CDK14: variants seen among roughly 807,000 people sequenced by gnomAD.
The protein encoded by CDK14 is cyclin dependent kinase 14, also known as cyclin-dependent kinase 14.
CDK14 carries 34 observed loss-of-function variants against 60.7 expected under a neutral mutation model. That is an observed-to-expected ratio of 0.56 (90% CI 0.43 to 0.75). The LOEUF is 0.75. Ranked by LOEUF, CDK14 falls within the 30% of genes least tolerant of loss-of-function variation. The pLI is 0.00. For missense variants in CDK14, 482 were observed against 564.1 expected, an observed-to-expected ratio of 0.85 and a Z score of 1.47; for synonymous variants, 197 against 203.7, an observed-to-expected ratio of 0.97 and a Z score of 0.28.
rs112066860 is a variant in CDK14, at chr7:91,112,822, G to GGTGTGTGT, written c.1294+158_1294+165dup. ...AATGTATGTTTGTATGTGCATTACAGGTGTGTGTGTGTGTGTGTGTGTGTA... is the reference window on the plus strand; with the variant it reads ...AATGTATGTTTGTATGTGCATTACAGGTGTGTGTGTGTGTGTGTGTGTGTGTGTGTGTA... On this transcript the variant is annotated intron_variant, in intron 13 of 14. Coordinates refer to ENST00000380050, the MANE Select transcript of CDK14 (RefSeq NM_001287135.2). 3.4e-3 allele frequency: 2,371 copies of GGTGTGTGT among 688,476 alleles called. 43 individuals carry two copies. The African/African-American group carries it at 0.038, about 11-fold the overall frequency. The allele number at this position is 688,476 out of a possible 1,614,324, so 42.6% of individuals were successfully genotyped here.
rs537032322 is a variant in CDK14 at position 90,951,981 on chromosome 7, G to A, written c.827-3716G>A. Among the ~76,000 whole-genome samples the A allele has an allele frequency of 5.9e-5, 9 of 152,258 alleles. No individual in the cohort carries two copies. In the South Asian group the frequency reaches 1.9e-3, roughly 32 times the overall value. ...AATAAGGCCCAGTGACCTATAAAGT[G>A]TATATATTTGAGAAAGCACTGGTTT... On this transcript the variant is annotated intron_variant, in intron 8 of 14. Transcript: ENST00000380050.
chr7:90,958,612 GA>G, intron 9 of CDK14, among the ~76,000 whole-genome samples: 1 of 152,078 alleles, frequency 6.6e-6, no homozygotes, highest in South Asian at 2.1e-4. Context: ...TGTAATGGCA[GA>G]AAAAGTTGAA....
chr7:90,940,903 T>C, intron 8 of CDK14, among the ~76,000 whole-genome samples: 1 of 152,212 alleles, frequency 6.6e-6, no homozygotes, highest in Non-Finnish European at 1.5e-5. Flanking sequence ...TTGCCACTGG[T>C]CACTCTGAAA....
intron 5 of CDK14, among the ~76,000 whole-genome samples, chr7:90,804,038 T>C (rs1030298889): frequency 6.6e-6 from 1 of 152,234 alleles, no homozygotes; most frequent in Admixed American, 6.5e-5. Context: ...GTTCTTTCTT[T>C]GTATTCTATT....
chr7:90,971,980 T>G (rs764278978), intron 9 of CDK14, among the ~76,000 whole-genome samples: 2 of 152,200 alleles, frequency 1.3e-5, no homozygotes, highest in Non-Finnish European at 2.9e-5. Flanking sequence ...TCTACTGAAC[T>G]ACATTAGCTT....
intron 9 of CDK14, among the ~76,000 whole-genome samples, chr7:90,972,471 CT>C (rs1307134937): frequency 6.6e-6 from 1 of 152,104 alleles, no homozygotes; most frequent in African/African-American, 2.4e-5. Context: ...AGCTGACCTC[CT>C]AGGGAAGAAA....
At chr7:90,911,053 G>A (rs1227402296) in intron 7 of CDK14, among the ~76,000 whole-genome samples, 1 of 151,968 alleles carries the variant, frequency 6.6e-6, no homozygotes, top group Non-Finnish European at 1.5e-5. Context: ...TTCTTGCTAT[G>A]ATACTTTGCT....
At chr7:91,109,851 T>C (rs890124937) in intron 12 of CDK14, among the ~76,000 whole-genome samples, 7 of 152,012 alleles carry the variant, frequency 4.6e-5, no homozygotes, top group African/African-American at 1.4e-4. Flanking sequence ...GAAAGCTTTA[T>C]GAAAGATAAA....
chr7:90,985,134 AT>A (rs1370044775), intron 10 of CDK14, among the ~76,000 whole-genome samples: 1 of 152,230 alleles, frequency 6.6e-6, no homozygotes, highest in Non-Finnish European at 1.5e-5. Context: ...TCTCTGTATT[AT>A]GTTTTGTAAC....
intron 5 of CDK14, among the ~76,000 whole-genome samples, chr7:90,827,693 A>G (rs1789774085): frequency 6.6e-6 from 1 of 152,228 alleles, no homozygotes; most frequent in Non-Finnish European, 1.5e-5. Flanking sequence ...AGAATAATCT[A>G]GAGGAGTACC....
chr7:90,698,638 A>G lies in CDK14; in HGVS notation c.124-27929A>G, dbSNP rs139804276. Among the ~76,000 whole-genome samples the G allele has an allele frequency of 2.6e-5, 4 of 152,338 alleles. No homozygotes were observed. In the East Asian group the frequency reaches 5.8e-4, roughly 22 times the overall value. On this transcript the variant is annotated intron_variant, in intron 2 of 14. Coordinates refer to ENST00000380050, the MANE Select transcript of CDK14 (RefSeq NM_001287135.2). ...TCCTGCTTCCTGATTGGCATCAATTATCTTACAACACCCCCAATTTTTTTG... is the reference window on the plus strand; with the variant it reads ...TCCTGCTTCCTGATTGGCATCAATTGTCTTACAACACCCCCAATTTTTTTG...
chr7:91,001,465 G>T (rs751751006), intron 10 of CDK14, among the ~76,000 whole-genome samples: 8 of 152,172 alleles, frequency 5.3e-5, no homozygotes, highest in Non-Finnish European at 1.2e-4. Context: ...TTTTATCCAC[G>T]CTGTGTTGCA....
At chr7:91,168,094 T>C (rs750188831) in intron 14 of CDK14, among the ~76,000 whole-genome samples, 24 of 151,986 alleles carry the variant, frequency 1.6e-4, no homozygotes, top group Admixed American at 2.0e-4. Context: ...AAACCCCGTC[T>C]CTACTAAAAA....
chr7:90,940,727 A>C (rs1332546230), intron 8 of CDK14, among the ~76,000 whole-genome samples: 1 of 152,120 alleles, frequency 6.6e-6, no homozygotes, highest in African/African-American at 2.4e-5. Context: ...TTGAGGCTGC[A>C]GTGAGCTGTG....
intron 9 of CDK14, among the ~76,000 whole-genome samples, chr7:90,973,372 T>C (rs561964328): frequency 6.6e-6 from 1 of 152,154 alleles, no homozygotes; most frequent in Non-Finnish European, 1.5e-5. Flanking sequence ...CCCTCTGGAA[T>C]TGAAACTGTC....
At chr7:90,744,448 C>G in intron 3 of CDK14, among the ~76,000 whole-genome samples, 1 of 152,248 alleles carries the variant, frequency 6.6e-6, no homozygotes, top group East Asian at 1.9e-4. Context: ...ATTTCTCAAT[C>G]TTTTCCCCAC....
At chr7:90,905,375 C>G (rs2117374483) in intron 7 of CDK14, among the ~76,000 whole-genome samples, 1 of 152,034 alleles carries the variant, frequency 6.6e-6, no homozygotes, top group African/African-American at 2.4e-5. Context: ...AACTGACAAA[C>G]AAAAGAACTA....
At position 90,806,511 on chromosome 7, in the gene CDK14, A is replaced by G. The variant is rs539287016; in HGVS notation, c.544+15859A>G. Among the ~76,000 whole-genome samples the G allele has an allele frequency of 7.9e-5, 12 of 152,362 alleles. No homozygotes were observed. In the South Asian group the frequency reaches 2.5e-3, roughly 32 times the overall value. On this transcript the variant is annotated intron_variant, in intron 5 of 14. Coordinates refer to ENST00000380050, the MANE Select transcript of CDK14 (RefSeq NM_001287135.2). ...GAATGGCGAAGATGGCCAAATAGGA[A>G]CAGCTCCAGTCTACAGCTCCCAGCG...
intron 8 of CDK14, among the ~76,000 whole-genome samples, chr7:90,932,021 A>G (rs1337797236): frequency 6.6e-6 from 1 of 152,252 alleles, no homozygotes; most frequent in Non-Finnish European, 1.5e-5. Flanking sequence ...AAAACTTTTC[A>G]CAAAATATAG....
Sources: allele counts gnomAD v4.1 joint callset (sites outside exome capture counted in the v4.1 genomes callset), GRCh38; gene constraint gnomAD v4.1.1; transcripts MANE v1.5; gene names NCBI Gene and HGNC (gene_info 2026-07-23, HGNC 2026-07-21).